LRBA: variants seen among roughly 807,000 people sequenced by gnomAD.
LRBA encodes the protein LPS responsive beige-like anchor protein.
Under a neutral mutation model 330.0 loss-of-function variants are expected in LRBA, and 176 were observed. The observed-to-expected ratio is 0.53, with a 90% CI of 0.47 to 0.60. The LOEUF (loss-of-function observed/expected upper bound fraction) is 0.60. Ranked by LOEUF, LRBA falls within the 20% of genes least tolerant of loss-of-function variation. LRBA has a pLI of 0.00. For synonymous variants in LRBA, 1,230 were observed against 1,193.0 expected (o/e 1.03, Z -0.64); for missense variants, 3,259 against 3,444.8 (o/e 0.95, Z 1.35).
chr4:150,755,036 A>C (rs1014233266), intron 35 of LRBA, among the ~76,000 whole-genome samples: 1 of 152,172 alleles, frequency 6.6e-6, no homozygotes, highest in African/African-American at 2.4e-5. Context: ...ACAGGGTCCA[A>C]ATGAAATATT....
chr4:150,665,075 A>G (rs1781451470), intron 37 of LRBA, among the ~76,000 whole-genome samples: 2 of 152,168 alleles, frequency 1.3e-5, no homozygotes, highest in South Asian at 2.1e-4. Context: ...TACAAGATCT[A>G]GAGAAACCAG....
intron 48 of LRBA, among the ~76,000 whole-genome samples, chr4:150,335,532 GTA>G (rs755575891): frequency 3.6e-4 from 52 of 144,728 alleles, no homozygotes; most frequent in Admixed American, 1.1e-3. Flanking sequence ...ATATATGTGT[GTA>G]TATATATATA....
At chr4:150,777,542 G>A (rs1486508640) in intron 34 of LRBA, among the ~76,000 whole-genome samples, 1 of 152,140 alleles carries the variant, frequency 6.6e-6, no homozygotes, top group African/African-American at 2.4e-5. Context: ...CGAATTGGAT[G>A]GATGTACCTC....
In LRBA at chr4:150,792,505, TTTTA is replaced by T. The variant is rs1553962949; in HGVS notation, c.5580+5572_5580+5575del. ...ATTATACCTCAATAAAGTTGACGTT[TTTTA>T]TTTATTTATTTATTTTTGAGACAGG... On this transcript the variant is annotated intron_variant, in intron 34 of 56. Transcript: ENST00000651943. 7.9e-5 allele frequency among the ~76,000 whole-genome samples: 12 copies of T among 152,200 alleles called. No individual in the cohort carries two copies. In the South Asian group the frequency reaches 2.1e-3, roughly 26 times the overall value.
In LRBA at chr4:150,548,867, A is replaced by T. The variant is rs559440416; in HGVS notation, c.6330+39181T>A. Among the ~76,000 whole-genome samples the T allele has an allele frequency of 2.6e-5, 4 of 152,304 alleles. No individual in the cohort carries two copies. The South Asian group carries it at 8.3e-4, about 32-fold the overall frequency. On this transcript the variant is annotated intron_variant, in intron 40 of 56. Coordinates refer to ENST00000651943, the MANE Select transcript of LRBA (RefSeq NM_001364905.1). ...CCACAAATGAGGAAGCTAAGTTTTT[A>T]AAATTTCAATTAAATTGTCCAAGGT...
chr4:150,732,860 T>C (rs1730642952), intron 36 of LRBA, among the ~76,000 whole-genome samples: 1 of 152,070 alleles, frequency 6.6e-6, no homozygotes, highest in African/African-American at 2.4e-5. Flanking sequence ...GAAGTATTTA[T>C]CATGTCATCT....
At chr4:150,909,407 A>G (rs1370504182) in intron 9 of LRBA, among the ~76,000 whole-genome samples, 1 of 152,174 alleles carries the variant, frequency 6.6e-6, no homozygotes, top group East Asian at 1.9e-4. Flanking sequence ...CATTTCATTT[A>G]GCACAATGTC....
chr4:150,575,707 A>C (rs1770453118), intron 40 of LRBA, among the ~76,000 whole-genome samples: 1 of 151,928 alleles, frequency 6.6e-6, no homozygotes, highest in Admixed American at 6.6e-5. Context: ...CTGTTTTGTT[A>C]ATGTCTGGCA....
intron 40 of LRBA, among the ~76,000 whole-genome samples, chr4:150,529,007 T>C (rs1420988159): frequency 6.6e-6 from 1 of 152,200 alleles, no homozygotes; most frequent in Non-Finnish European, 1.5e-5. Context: ...AAATTTGTAA[T>C]ATACTTAGCT....
At chr4:150,315,540 A>G in intron 51 of LRBA, 21 bp downstream of exon 51, 1 of 1,605,740 alleles carries the variant, frequency 6.2e-7, no homozygotes, top group Non-Finnish European at 8.5e-7. Flanking sequence ...TGAATCGCAA[A>G]GAGAGAAGGA....
intron 2 of LRBA, among the ~76,000 whole-genome samples, chr4:150,973,395 G>C (rs574589176): frequency 6.6e-6 from 1 of 152,052 alleles, no homozygotes; most frequent in Admixed American, 6.6e-5. Flanking sequence ...TCAAACTCCC[G>C]ACCTCAGGTG....
chr4:150,760,701 T>C (rs1734953619), intron 35 of LRBA, among the ~76,000 whole-genome samples: 1 of 152,258 alleles, frequency 6.6e-6, no homozygotes, highest in East Asian at 1.9e-4. Context: ...AATGTTTACA[T>C]GACAAATCGT....
At chr4:150,757,867 G>T (rs910193919) in intron 35 of LRBA, among the ~76,000 whole-genome samples, 2 of 152,040 alleles carry the variant, frequency 1.3e-5, no homozygotes, top group African/African-American at 4.8e-5. Context: ...AAAGATAAAG[G>T]CTGAGTGTTC....
In LRBA at chr4:150,844,206, C is replaced by A; in HGVS notation, c.4463G>T (p.Ser1488Ile). The part of the protein sequence containing the change: ...LIPLGKSAAK[S>I]PVDIVTGGIS... ...ACCGCCAGTCACAATGTCCACTGGG[C>A]TCTATTTAAGATTAAAAAAAAATTG... The change falls in exon 28 of 57, where the codon AGC (serine) becomes ATC (isoleucine). Residue 1488 changes from serine (S) to isoleucine (I), a missense_variant and splice_region_variant. Transcript: ENST00000651943. 6.4e-7 allele frequency: 1 copy of A among 1,561,942 alleles called. No individual in the cohort carries two copies. The highest frequency in any genetic ancestry group is 8.8e-7 in the Non-Finnish European group (1 of 1,139,150).
chr4:150,413,089 T>A (rs1747245659), intron 47 of LRBA, among the ~76,000 whole-genome samples: 1 of 151,732 alleles, frequency 6.6e-6, no homozygotes, highest in African/African-American at 2.4e-5. Context: ...TATATATATA[T>A]GAGTAGCAAA....
chr4:150,685,689 C>G (rs994428787), intron 36 of LRBA, among the ~76,000 whole-genome samples: 1 of 151,450 alleles, frequency 6.6e-6, no homozygotes, highest in Non-Finnish European at 1.5e-5. Flanking sequence ...CCTGCCTCGG[C>G]CTCCAAAAGT....
At chr4:150,693,360 G>A (rs992922791) in intron 36 of LRBA, among the ~76,000 whole-genome samples, 4 of 151,808 alleles carry the variant, frequency 2.6e-5, no homozygotes, top group East Asian at 3.9e-4. Context: ...TCAGGAGATC[G>A]AGACCATCCC....
chr4:150,976,169 C>T (rs1232824218), intron 2 of LRBA, among the ~76,000 whole-genome samples: 3 of 102,660 alleles, frequency 2.9e-5, no homozygotes, highest in African/African-American at 1.1e-4. Flanking sequence ...AGTGAAACTC[C>T]GTCTTGAAAA....
intron 31 of LRBA, among the ~76,000 whole-genome samples, chr4:150,809,961 A>G (rs2126733383): frequency 6.6e-6 from 1 of 152,252 alleles, no homozygotes; most frequent in East Asian, 1.9e-4. Flanking sequence ...CCACTCCCAG[A>G]ACTTCCTCAA....
Sources: gnomAD v4.1 joint callset for allele counts (sites outside exome capture counted in the v4.1 genomes callset) on GRCh38, gnomAD v4.1.1 for gene constraint, MANE v1.5 for transcripts, NCBI Gene and HGNC (gene_info 2026-07-23, HGNC 2026-07-21) for gene names.